Variants in KCNN3 observed in about 807,000 individuals in gnomAD.
The protein encoded by KCNN3 is small conductance calcium-activated potassium channel protein 3.
A neutral mutation model predicts 62.9 loss-of-function variants in KCNN3; 16 were observed. The observed-to-expected ratio is 0.25, with a 90% CI of 0.17 to 0.39. KCNN3 has a LOEUF of 0.39. Ranked by LOEUF, KCNN3 falls within the 10% of genes least tolerant of loss-of-function variation. The pLI is 1.00. For synonymous variants in KCNN3, 370 were observed against 389.2 expected, an observed-to-expected ratio of 0.95 and a Z score of 0.58; for missense variants, 599 against 949.4, an observed-to-expected ratio of 0.63 and a Z score of 4.85.
chr1:154,708,311 A>G (rs1553226324), intron 7 of KCNN3, 39 bp from the exon 8 acceptor site: 1 of 1,599,638 alleles, frequency 6.3e-7, no homozygotes, highest in Non-Finnish European at 8.6e-7. Flanking sequence ...GGGAGATGAC[A>G]GGTCATCACA....
intron 1 of KCNN3, among the ~76,000 whole-genome samples, chr1:154,851,008 C>A (rs866420050): frequency 6.6e-6 from 1 of 152,148 alleles, no homozygotes. Context: ...GGCAGAGTCT[C>A]GCTCTGTCAC....
intron 1 of KCNN3, among the ~76,000 whole-genome samples, chr1:154,848,026 G>T (rs549292548): frequency 1.3e-5 from 2 of 152,192 alleles, no homozygotes; most frequent in African/African-American, 4.8e-5. Flanking sequence ...AAACGAGCAG[G>T]AAGAGGGTGT....
At chr1:154,864,735 G>A (rs572409469) in intron 1 of KCNN3, among the ~76,000 whole-genome samples, 123 of 152,344 alleles carry the variant, frequency 8.1e-4, no homozygotes, top group Middle Eastern at 3.4e-3. Context: ...CCCCAGCAAC[G>A]AGGCCAGGCA....
intron 3 of KCNN3, among the ~76,000 whole-genome samples, chr1:154,766,410 C>T (rs1348190618): frequency 2.8e-5 from 1 of 35,196 alleles, no homozygotes. Flanking sequence ...AAATACTAGC[C>T]AGGCTTTATA....
At chr1:154,771,031 T>C (rs1195489456) in intron 3 of KCNN3, among the ~76,000 whole-genome samples, 1 of 151,006 alleles carries the variant, frequency 6.6e-6, no homozygotes, top group African/African-American at 2.4e-5. Flanking sequence ...CACTCCAGCC[T>C]GGGCGAGAGA....
At chr1:154,844,119 G>T (rs1030725758) in intron 1 of KCNN3, among the ~76,000 whole-genome samples, 5 of 152,204 alleles carry the variant, frequency 3.3e-5, no homozygotes, top group African/African-American at 9.7e-5. Context: ...GTTACACACA[G>T]ATCTGGGCAG....
intron 2 of KCNN3, among the ~76,000 whole-genome samples, chr1:154,820,122 C>T (rs920645271): frequency 3.3e-5 from 5 of 152,210 alleles, no homozygotes; most frequent in African/African-American, 1.2e-4. Context: ...ATGAGCTGGA[C>T]ATGGGACAAT....
At chr1:154,755,722 G>A (rs1340357870) in intron 3 of KCNN3, among the ~76,000 whole-genome samples, 1 of 149,692 alleles carries the variant, frequency 6.7e-6, no homozygotes, top group Non-Finnish European at 1.5e-5. Context: ...AGAGGAAGAA[G>A]GAAAAGGAGA....
rs1700600900 is a variant in KCNN3 at position 154,731,838 on chromosome 1, C to A, written c.1590+1165G>T. 2.0e-5 allele frequency among the ~76,000 whole-genome samples: 3 copies of A among 152,094 alleles called. No homozygotes were observed. In the South Asian group the frequency reaches 6.2e-4, roughly 32 times the overall value. On this transcript the variant is annotated intron_variant, in intron 4 of 7. Transcript: ENST00000271915. Reference sequence around the variant, plus strand: ...ACCACTTCTCACCCCGCCACCTCCCCCAACACTACCCAGGCTTAGATGTGC... The same window carrying A: ...ACCACTTCTCACCCCGCCACCTCCCACAACACTACCCAGGCTTAGATGTGC...
In KCNN3 at chr1:154,870,033, C is replaced by T; in HGVS notation, c.-69G>A. The T allele has an allele frequency of 6.5e-7, 1 of 1,547,306 alleles. No homozygotes were observed. Among genetic ancestry groups the T allele is most frequent in the Non-Finnish European group, 8.8e-7 (1 of 1,135,540 alleles). On this transcript the variant is annotated 5_prime_UTR_variant, in exon 1 of 8. Coordinates refer to ENST00000271915, the MANE Select transcript of KCNN3 (RefSeq NM_002249.6). ...AAAGCCACCCTCGCTCCAAAGATGT[C>T]CTCAAAGAAAGCCAGGCATCCAATC...
chr1:154,714,887 T>G lies in KCNN3; in HGVS notation c.1818A>C (p.Gln606His). 1 of 1,613,612 alleles carries G rather than the reference T, an allele frequency of 6.2e-7. No individual in the cohort carries two copies. The highest frequency in any genetic ancestry group is 8.5e-7 in the Non-Finnish European group (1 of 1,179,686). Residue 606 changes from glutamine (Q) to histidine (H), a missense_variant, in exon 6 of 8, where the codon CAA becomes CAC. Physicochemically the swap from Gln to His is conservative, Grantham distance 24 (BLOSUM62 0). Coordinates refer to ENST00000271915, the MANE Select transcript of KCNN3 (RefSeq NM_002249.6). ...KVRKHQRKFLQAIHQLRSVKM... is the reference protein window; with the variant it reads ...KVRKHQRKFLHAIHQLRSVKM... ...TCTGGCATACTCACTGGTGGATAGCTTGGAGGAACTTCCTCTGGTGTTTCC... is the reference window on the plus strand; with the variant it reads ...TCTGGCATACTCACTGGTGGATAGCGTGGAGGAACTTCCTCTGGTGTTTCC...
In KCNN3 at chr1:154,698,536, C is replaced by CA. The variant is rs1407708401; in HGVS notation, c.*9439dup. ...GTATAATGTGTCCTTGAGCTTTGAG[C>CA]ACAGCAATGGAAACCTGGCGACTCT... On this transcript the variant is annotated 3_prime_UTR_variant, in exon 8 of 8. Coordinates refer to ENST00000271915, the MANE Select transcript of KCNN3 (RefSeq NM_002249.6). 7.2e-5 allele frequency: 11 copies of CA among 152,334 alleles called. No individual in the cohort carries two copies. The highest frequency in any genetic ancestry group is 2.6e-4 in the African/African-American group (11 of 41,572). 9.4% of individuals were successfully genotyped at this position (152,334 alleles called of 1,614,324 possible).
intron 3 of KCNN3, among the ~76,000 whole-genome samples, chr1:154,750,084 A>G (rs1318543594): frequency 6.6e-6 from 1 of 152,242 alleles, no homozygotes; most frequent in East Asian, 1.9e-4. Context: ...GCCTTGGTTT[A>G]CATGATTAAC....
chr1:154,818,780 A>G (rs1269051844), intron 2 of KCNN3, among the ~76,000 whole-genome samples: 5 of 152,244 alleles, frequency 3.3e-5, no homozygotes, highest in African/African-American at 1.2e-4. Flanking sequence ...CTTGGGTGAG[A>G]GTTACCCAAC....
intron 5 of KCNN3, 141 bp downstream of exon 5, chr1:154,725,775 C>A: frequency 1.4e-6 from 1 of 690,228 alleles, no homozygotes; most frequent in South Asian, 1.5e-5. Context: ...GATCTCCTGA[C>A]CTTGTGATCG....
At chr1:154,737,002 C>T (rs1215695363) in intron 3 of KCNN3, 1 of 701,454 alleles carries the variant, frequency 1.4e-6, no homozygotes, top group Non-Finnish European at 2.6e-6. Flanking sequence ...TCTCCAGTGG[C>T]TTGGAGCTTC....
intron 3 of KCNN3, among the ~76,000 whole-genome samples, chr1:154,741,556 G>C (rs1164300076): frequency 2.6e-5 from 4 of 152,182 alleles, no homozygotes; most frequent in African/African-American, 7.2e-5. Flanking sequence ...CTTGAGCTTG[G>C]AGTCAGTTCT....
chr1:154,861,723 T>C (rs568908776), intron 1 of KCNN3, among the ~76,000 whole-genome samples: 3 of 152,334 alleles, frequency 2.0e-5, no homozygotes, highest in African/African-American at 7.2e-5. Flanking sequence ...CTGGGATGGA[T>C]GCCATCTGGG....
At chr1:154,766,928 G>T (rs891657370) in intron 3 of KCNN3, among the ~76,000 whole-genome samples, 2 of 151,994 alleles carry the variant, frequency 1.3e-5, no homozygotes, top group Admixed American at 6.6e-5. Flanking sequence ...TGATCTGCCC[G>T]CCTCGGCCTC....
Sources: gnomAD v4.1 joint callset for allele counts (sites outside exome capture counted in the v4.1 genomes callset) on GRCh38, gnomAD v4.1.1 for gene constraint, MANE v1.5 for transcripts, NCBI Gene and HGNC (gene_info 2026-07-23, HGNC 2026-07-21) for gene names.